The following ZBTB20 variants were observed in gnomAD, a reference collection of about 807,000 sequenced individuals.
The protein encoded by ZBTB20 is zinc finger and BTB domain containing 20.
A neutral mutation model predicts 56.9 loss-of-function variants in ZBTB20; 9 were observed. The ratio of observed to expected loss-of-function variants is 0.16; its 90% CI spans 0.10 to 0.28. The LOEUF (loss-of-function observed/expected upper bound fraction) is 0.28. Among genes scored for constraint, ZBTB20 ranks in the 10% least tolerant of loss-of-function variants. ZBTB20 has a pLI of 1.00. For synonymous variants in ZBTB20, 417 were observed against 420.7 expected, an observed-to-expected ratio of 0.99 and a Z score of 0.11; for missense variants, 655 against 1,003.0, an observed-to-expected ratio of 0.65 and a Z score of 4.69.
Position 114,350,713 on chromosome 3 carries a change from G to T in ZBTB20, c.1365C>A (p.Ser455Arg), listed in dbSNP as rs184110076. Residue 455 changes from serine to arginine, a missense_variant, in exon 11 of 12, where the codon AGC becomes AGA. Physicochemically the swap from Ser to Arg is moderately radical, Grantham distance 110. This residue lies in a region of ZBTB20 where 156 missense variants were observed against 181.0 expected (regional missense o/e 0.86). Transcript: ENST00000675478. Reference sequence around the variant, plus strand: ...TGTTGACCGAAGGCTGTTGTAGGACGCTCTTGTCGGAGCTGTTGCTGACAG... The same window carrying T: ...TGTTGACCGAAGGCTGTTGTAGGACTCTCTTGTCGGAGCTGTTGCTGACAG... The part of the protein sequence containing the change: ...VITVSNSSDK[S>R]VLQQPSVNTS... 4.3e-6 allele frequency: 7 copies of T among 1,614,200 alleles called. No homozygotes were observed. The Admixed American group carries it at 1.2e-4, about 27-fold the overall frequency.
At chr3:114,843,315 CT>C (rs1224278271) in intron 4 of ZBTB20, among the ~76,000 whole-genome samples, 6 of 152,130 alleles carry the variant, frequency 3.9e-5, no homozygotes, top group African/African-American at 1.5e-4. Context: ...CTATCTCCCC[CT>C]GAGTCCAGAT....
Position 114,625,824 on chromosome 3 carries a change from T to C in ZBTB20, c.-295+67704A>G, listed in dbSNP as rs552845680. On this transcript the variant is annotated intron_variant, in intron 6 of 11. Coordinates refer to ENST00000675478, the MANE Select transcript of ZBTB20 (RefSeq NM_001348800.3). Reference sequence around the variant, plus strand: ...TAGCAAGGGGAGAGGGAAAATAAAATAGATAGAAAAACAAGGTTCAACATA... The same window carrying C: ...TAGCAAGGGGAGAGGGAAAATAAAACAGATAGAAAAACAAGGTTCAACATA... Among the ~76,000 whole-genome samples, 8 of 151,970 alleles carry C rather than the reference T, an allele frequency of 5.3e-5. No individual in the cohort carries two copies. The East Asian group carries it at 9.6e-4, about 18-fold the overall frequency.
chr3:115,069,358 C>T (rs571547183), intron 2 of ZBTB20, among the ~76,000 whole-genome samples: 1 of 152,150 alleles, frequency 6.6e-6, no homozygotes, highest in African/African-American at 2.4e-5. Context: ...GCTGAGTGTT[C>T]GTTTAAGTCA....
intron 4 of ZBTB20, among the ~76,000 whole-genome samples, chr3:114,818,171 T>A (rs1331890261): frequency 6.6e-6 from 1 of 152,036 alleles, no homozygotes; most frequent in Non-Finnish European, 1.5e-5. Flanking sequence ...ATTATAAACT[T>A]TTATGGACAT....
At chr3:114,375,488 TA>T (rs1207395093) in intron 10 of ZBTB20, among the ~76,000 whole-genome samples, 1 of 152,222 alleles carries the variant, frequency 6.6e-6, no homozygotes, top group Non-Finnish European at 1.5e-5. Context: ...CAGCATAGAC[TA>T]AAAAGTTGTT....
intron 4 of ZBTB20, among the ~76,000 whole-genome samples, chr3:114,817,192 T>TACACACACACACAC (rs56294507): frequency 7.5e-4 from 110 of 145,804 alleles, no homozygotes; most frequent in African/African-American, 2.8e-3. Context: ...ATACAACTTA[T>TACACACACACACAC]ACACACACAC....
At chr3:114,967,210 C>G (rs1009110264) in intron 3 of ZBTB20, among the ~76,000 whole-genome samples, 1 of 151,894 alleles carries the variant, frequency 6.6e-6, no homozygotes, top group South Asian at 2.1e-4. Context: ...AATGAGAAAA[C>G]CTGTTCAGAA....
intron 6 of ZBTB20, among the ~76,000 whole-genome samples, chr3:114,672,533 T>C (rs1303653090): frequency 6.6e-6 from 1 of 152,084 alleles, no homozygotes; most frequent in Non-Finnish European, 1.5e-5. Context: ...CAAAAGATGA[T>C]GGTCTTCTCC....
intron 6 of ZBTB20, among the ~76,000 whole-genome samples, chr3:114,558,638 C>T (rs2110259007): frequency 6.6e-6 from 1 of 152,046 alleles, no homozygotes; most frequent in South Asian, 2.1e-4. Flanking sequence ...GGATTACTTC[C>T]TTTTTGCTCC....
At chr3:115,045,596 A>G (rs540482920) in intron 2 of ZBTB20, among the ~76,000 whole-genome samples, 4 of 152,202 alleles carry the variant, frequency 2.6e-5, no homozygotes, top group African/African-American at 9.6e-5. Flanking sequence ...AATGCAATCA[A>G]TCCAGTCAAA....
At chr3:114,589,897 T>C (rs2055567193) in intron 6 of ZBTB20, among the ~76,000 whole-genome samples, 1 of 152,194 alleles carries the variant, frequency 6.6e-6, no homozygotes, top group African/African-American at 2.4e-5. Flanking sequence ...TTTCCATAAT[T>C]ACATTCTGTG....
At chr3:114,858,093 T>C (rs2075332806) in intron 4 of ZBTB20, among the ~76,000 whole-genome samples, 2 of 152,198 alleles carry the variant, frequency 1.3e-5, no homozygotes, top group Non-Finnish European at 2.9e-5. Context: ...TAGTGTGAGG[T>C]CTTCATTCAT....
At position 114,338,075 on chromosome 3, in the gene ZBTB20, C is replaced by T. The variant is rs1033940813; in HGVS notation, c.*930G>A. 6.7e-6 allele frequency: 1 copy of T among 149,484 alleles called. No homozygotes were observed. Among genetic ancestry groups the T allele is most frequent in the Non-Finnish European group, 1.5e-5 (1 of 67,498 alleles). 9.3% of individuals were successfully genotyped at this position (149,484 alleles called of 1,614,324 possible). On this transcript the variant is annotated 3_prime_UTR_variant, in exon 12 of 12. Transcript: ENST00000675478. ...CATTTCTTTTTCTTTTTCTCTTCCA[C>T]AAGAATATATCCTGACACTTTTTTT...
chr3:114,748,342 T>TTTC (rs1342721098), intron 5 of ZBTB20, among the ~76,000 whole-genome samples: 1 of 48,516 alleles, frequency 2.1e-5, no homozygotes, highest in Non-Finnish European at 5.4e-5. Flanking sequence ...TTCTTCTTTC[T>TTTC]TTCTTTCTTT....
At chr3:114,731,904 T>A (rs2065790485) in intron 5 of ZBTB20, among the ~76,000 whole-genome samples, 1 of 151,512 alleles carries the variant, frequency 6.6e-6, no homozygotes, top group African/African-American at 2.4e-5. Flanking sequence ...CGGCTGTGCC[T>A]AGATTAGTTA....
rs186850543 is a variant in ZBTB20 at position 114,377,970 on chromosome 3, A to G, written c.199+2247T>C. On this transcript the variant is annotated intron_variant, in intron 10 of 11. Coordinates refer to ENST00000675478, the MANE Select transcript of ZBTB20 (RefSeq NM_001348800.3). The stretch of plus-strand genomic sequence containing the variant: ...TGGTGGAATGTTTCTGAAGTTAAAG[A>G]GACTAACAAGTCAAGGGCACTATTT... Among the ~76,000 whole-genome samples the G allele has an allele frequency of 9.8e-5, 15 of 152,330 alleles. No homozygotes were observed. In the East Asian group the frequency reaches 2.9e-3, roughly 29 times the overall value.
chr3:114,838,343 A>G (rs1479235624), intron 4 of ZBTB20, among the ~76,000 whole-genome samples: 1 of 152,224 alleles, frequency 6.6e-6, no homozygotes, highest in Non-Finnish European at 1.5e-5. Context: ...ATTAGCTTAA[A>G]TATGAGACTG....
chr3:114,627,697 T>C (rs1443602682), intron 6 of ZBTB20, among the ~76,000 whole-genome samples: 2 of 152,252 alleles, frequency 1.3e-5, no homozygotes, highest in Non-Finnish European at 1.5e-5. Flanking sequence ...AATAATTCCA[T>C]TGTATTTTGT....
intron 6 of ZBTB20, among the ~76,000 whole-genome samples, chr3:114,674,750 AAT>A (rs1207408785): frequency 6.6e-6 from 1 of 152,136 alleles, no homozygotes; most frequent in African/African-American, 2.4e-5. Flanking sequence ...AGTAAATATT[AAT>A]ATTAGAAATA....
Sources: gnomAD v4.1 joint callset for allele counts (sites outside exome capture counted in the v4.1 genomes callset) on GRCh38, gnomAD v4.1.1 for gene constraint, gnomAD v4.1.1 regional missense constraint, MANE v1.5 for transcripts, NCBI Gene and HGNC (gene_info 2026-07-23, HGNC 2026-07-21) for gene names.